The following TTL variants were observed in gnomAD, a reference collection of about 807,000 sequenced individuals.
TTL encodes the protein tubulin tyrosine ligase.
Under a neutral mutation model 41.1 loss-of-function variants are expected in TTL, and 10 were observed. That is an observed-to-expected ratio of 0.24 (90% CI 0.15 to 0.41). The LOEUF is 0.41. Among genes scored for constraint, TTL ranks in the 10% least tolerant of loss-of-function variants. TTL has a pLI of 1.00. For missense variants in TTL, 367 were observed against 460.4 expected, an observed-to-expected ratio of 0.80 and a Z score of 1.86; for synonymous variants, 175 against 175.5, an observed-to-expected ratio of 1.00 and a Z score of 0.02.
In TTL at chr2:112,482,230, G is replaced by A; in HGVS notation, c.-115G>A. 2 of 782,192 alleles carry A rather than the reference G, an allele frequency of 2.6e-6. No individual in the cohort carries two copies. The highest frequency in any genetic ancestry group is 1.9e-5 in the African/African-American group (1 of 52,886). The allele number at this position is 782,192 out of a possible 1,614,324, so 48.5% of individuals were successfully genotyped here. A position where few individuals can be genotyped will look rare whatever the true frequency, so the allele number is the denominator to read the frequency against. The stretch of plus-strand genomic sequence containing the variant: ...CCCGAGAGGCGCGGTAGCCGGCGCG[G>A]GCGGCGGGGGCCGGGCCGCGGCGGG... On this transcript the variant is annotated 5_prime_UTR_variant, in exon 1 of 7. Transcript: ENST00000233336. This position sits in a 1 kb window ranked among gnomAD's most constrained non-coding sequence, Gnocchi z 5.3.
rs1682672283 is a variant in TTL, at chr2:112,539,528, T to C, written c.*10733T>C. 6.6e-6 allele frequency: 1 copy of C among 152,172 alleles called. No homozygotes were observed. Among genetic ancestry groups the C allele is most frequent in the African/African-American group, 2.4e-5 (1 of 41,452 alleles). 9.4% of individuals were successfully genotyped at this position (152,172 alleles called of 1,614,324 possible). Reference sequence around the variant, plus strand: ...GAAATAAATTACTTCCTCAACATGATAAAGAGCATCTTTGGAAAAACCCAC... The same window carrying C: ...GAAATAAATTACTTCCTCAACATGACAAAGAGCATCTTTGGAAAAACCCAC... On this transcript the variant is annotated 3_prime_UTR_variant, in exon 7 of 7. Coordinates refer to ENST00000233336, the MANE Select transcript of TTL (RefSeq NM_153712.5).
rs1391092702 is a variant in TTL, at chr2:112,485,820, CTGAGA to C, written c.158-91_158-87del. On this transcript the variant is annotated intron_variant, in intron 1 of 6. Coordinates refer to ENST00000233336, the MANE Select transcript of TTL (RefSeq NM_153712.5). ...ATTTTCCATTTTCTAACAGCCAATCCTGAGATGAGAGAGAGAAAAGCTGGGCATGA... is the reference window on the plus strand; with the variant it reads ...ATTTTCCATTTTCTAACAGCCAATCCTGAGAGAGAGAAAAGCTGGGCATGA... The C allele has an allele frequency of 4.4e-6, 5 of 1,133,986 alleles. No individual in the cohort carries two copies. The African/African-American group carries it at 8.0e-5, about 18-fold the overall frequency. 70.2% of individuals were successfully genotyped at this position (1,133,986 alleles called of 1,614,324 possible).
At chr2:112,494,563 G>A (rs1021564895) in intron 3 of TTL, among the ~76,000 whole-genome samples, 188 bp downstream of exon 3, 3 of 152,114 alleles carry the variant, frequency 2.0e-5, no homozygotes, top group African/African-American at 7.2e-5. Context: ...TTTCCTTTAA[G>A]CTCTAGATCC....
chr2:112,528,366 G>A (rs1265116649), intron 6 of TTL, among the ~76,000 whole-genome samples: 1 of 152,170 alleles, frequency 6.6e-6, no homozygotes, highest in Non-Finnish European at 1.5e-5. Context: ...TTGGGAGGCC[G>A]AGGTGAGAGG....
chr2:112,492,054 C>G (rs769236189), intron 2 of TTL, among the ~76,000 whole-genome samples: 31 of 152,130 alleles, frequency 2.0e-4, no homozygotes, highest in Non-Finnish European at 4.0e-4. Context: ...AATTCATGCT[C>G]TCTGCATAGT....
intron 2 of TTL, among the ~76,000 whole-genome samples, chr2:112,489,500 A>G (rs1401824737): frequency 6.6e-6 from 1 of 152,256 alleles, no homozygotes; most frequent in African/African-American, 2.4e-5. Flanking sequence ...CAAGTTAAGT[A>G]AATTCACCAA....
rs1186382626 is a variant in TTL, at chr2:112,535,026, A to G, written c.*6231A>G. On this transcript the variant is annotated 3_prime_UTR_variant, in exon 7 of 7. Transcript: ENST00000233336. ...AAGGAGAAAGGGAGGGAGGGAGGGAAAGGAGGGAGGGAAGAAAAGAGAAAG... is the reference window on the plus strand; with the variant it reads ...AAGGAGAAAGGGAGGGAGGGAGGGAGAGGAGGGAGGGAAGAAAAGAGAAAG... 1 of 151,062 alleles carries G rather than the reference A, an allele frequency of 6.6e-6. No individual in the cohort carries two copies. Among genetic ancestry groups the G allele is most frequent in the Non-Finnish European group, 1.5e-5 (1 of 67,750 alleles). The allele number at this position is 151,062 out of a possible 1,614,324, so 9.4% of individuals were successfully genotyped here. A position where few individuals can be genotyped will look rare whatever the true frequency, so the allele number is the denominator to read the frequency against.
At chr2:112,510,167 T>C (rs936711193) in intron 5 of TTL, among the ~76,000 whole-genome samples, 18 of 152,240 alleles carry the variant, frequency 1.2e-4, no homozygotes, top group Non-Finnish European at 2.6e-4. Context: ...TGTCTCATTT[T>C]ATTGCCTAGG....
In TTL at chr2:112,535,870, T is replaced by TGCTA. The variant is rs1682587462; in HGVS notation, c.*7076_*7077insCTAG. 1 of 152,184 alleles carries TGCTA rather than the reference T, an allele frequency of 6.6e-6. No homozygotes were observed. Among genetic ancestry groups the TGCTA allele is most frequent in the African/African-American group, 2.4e-5 (1 of 41,450 alleles). The allele number at this position is 152,184 out of a possible 1,614,324, so 9.4% of individuals were successfully genotyped here. On this transcript the variant is annotated 3_prime_UTR_variant, in exon 7 of 7. Transcript: ENST00000233336. ...CCTAGGTTGGAGTCTAGTGGTGTAA[T>TGCTA]GATAGCTCACTGCAGCCTCAAACTT...
Position 112,530,876 on chromosome 2 carries a change from C to T in TTL, c.*2081C>T. On this transcript the variant is annotated 3_prime_UTR_variant, in exon 7 of 7. Coordinates refer to ENST00000233336, the MANE Select transcript of TTL (RefSeq NM_153712.5). The stretch of plus-strand genomic sequence containing the variant: ...TCCTCATGTGGCTTCCAATAAGTAT[C>T]TTAGGAACTTATTTCCTTTTTAAAA... 1 of 182,846 alleles carries T rather than the reference C, an allele frequency of 5.5e-6. No homozygotes were observed. The highest frequency in any genetic ancestry group is 8.9e-5 in the East Asian group (1 of 11,176). The allele number at this position is 182,846 out of a possible 1,614,324, so 11.3% of individuals were successfully genotyped here. A position where few individuals can be genotyped will look rare whatever the true frequency, so the allele number is the denominator to read the frequency against.
Position 112,535,286 on chromosome 2 carries a change from A to G in TTL, c.*6491A>G, listed in dbSNP as rs533445610. 6.6e-6 allele frequency: 1 copy of G among 152,268 alleles called. No homozygotes were observed. The highest frequency in any genetic ancestry group is 6.5e-5 in the Admixed American group (1 of 15,300). 9.4% of individuals were successfully genotyped at this position (152,268 alleles called of 1,614,324 possible). On this transcript the variant is annotated 3_prime_UTR_variant, in exon 7 of 7. Coordinates refer to ENST00000233336, the MANE Select transcript of TTL (RefSeq NM_153712.5). The stretch of plus-strand genomic sequence containing the variant: ...AAAAAAAAATCAGCAAAGAAAAATG[A>G]TCAGTGCTTCAGACACCCGTCAGAC...
In TTL at chr2:112,539,420, G is replaced by C. The variant is rs1682670751; in HGVS notation, c.*10625G>C. 6.6e-6 allele frequency: 1 copy of C among 152,020 alleles called. No individual in the cohort carries two copies. The highest frequency in any genetic ancestry group is 1.5e-5 in the Non-Finnish European group (1 of 68,004). 9.4% of individuals were successfully genotyped at this position (152,020 alleles called of 1,614,324 possible). ...TTTAATAGAAAAAAGAGGACAAAAA[G>C]CACATGATCATTTCAATATACACTG... is the stretch of plus-strand genomic sequence containing the variant. On this transcript the variant is annotated 3_prime_UTR_variant, in exon 7 of 7. Transcript: ENST00000233336.
At chr2:112,485,872 T>C (rs372109400) in intron 1 of TTL, 45 bp from the exon 2 acceptor site, 14 of 1,504,040 alleles carry the variant, frequency 9.3e-6, no homozygotes, top group Non-Finnish European at 1.2e-5. Context: ...TCTCTCCTGC[T>C]TGCTGTGTCC....
chr2:112,517,357 C>T (rs1002317980), intron 5 of TTL, among the ~76,000 whole-genome samples: 49 of 152,086 alleles, frequency 3.2e-4, no homozygotes, highest in Admixed American at 5.9e-4. Context: ...GAGCGATTCT[C>T]CTGCCTTAGC....
intron 3 of TTL, among the ~76,000 whole-genome samples, chr2:112,496,080 C>T (rs1681516062): frequency 6.6e-6 from 1 of 152,072 alleles, no homozygotes; most frequent in Non-Finnish European, 1.5e-5. Flanking sequence ...CAACTACTGC[C>T]CCCTAGTGTG....
At position 112,531,668 on chromosome 2, in the gene TTL, T is replaced by C. The variant is rs750455278; in HGVS notation, c.*2873T>C. The C allele has an allele frequency of 1.8e-5, 4 of 225,188 alleles. No homozygotes were observed. The highest frequency in any genetic ancestry group is 3.5e-5 in the Non-Finnish European group (4 of 113,108). 13.9% of individuals were successfully genotyped at this position (225,188 alleles called of 1,614,324 possible). On this transcript the variant is annotated 3_prime_UTR_variant, in exon 7 of 7. Transcript: ENST00000233336. ...CAAACACATTATTATCTTGGAAGAA[T>C]TGCATAAGGCTTATGACTTAAAAAA...
chr2:112,520,497 A>C, intron 6 of TTL, 72 bp downstream of exon 6: 2 of 1,574,356 alleles, frequency 1.3e-6, no homozygotes, highest in Non-Finnish European at 1.7e-6. Flanking sequence ...TGTGGGTACA[A>C]GTGTAGTCAC....
intron 3 of TTL, among the ~76,000 whole-genome samples, chr2:112,494,950 C>T (rs928241815): frequency 1.3e-5 from 2 of 152,130 alleles, no homozygotes; most frequent in African/African-American, 4.8e-5. Context: ...GTTTTCAAAA[C>T]GTAAATCTAA....
chr2:112,501,857 C>T (rs1453875788), intron 4 of TTL, among the ~76,000 whole-genome samples: 1 of 115,046 alleles, frequency 8.7e-6, no homozygotes, highest in Non-Finnish European at 1.8e-5. Context: ...CAGAGTGAGA[C>T]TCCTGTGTCA....
Sources: gnomAD v4.1 joint callset for allele counts (sites outside exome capture counted in the v4.1 genomes callset) on GRCh38, gnomAD v4.1.1 for gene constraint, Gnocchi (gnomAD v3.1) non-coding constraint, MANE v1.5 for transcripts, NCBI Gene and HGNC (gene_info 2026-07-23, HGNC 2026-07-21) for gene names.